Variants in LARGE1 observed in about 807,000 individuals in gnomAD.
LARGE1 encodes LARGE xylosyl- and glucuronyltransferase 1.
LARGE1 carries 43 observed loss-of-function variants against 87.6 expected under a neutral mutation model. That is an observed-to-expected ratio of 0.49 (90% confidence interval 0.38 to 0.63). The LOEUF (loss-of-function observed/expected upper bound fraction) is 0.63, where lower values mean the gene tolerates loss of function less well. Ranked by LOEUF, LARGE1 falls within the 30% of genes least tolerant of loss-of-function variation. LARGE1 has a pLI of 0.00. For missense variants in LARGE1, 802 were observed against 1,000.2 expected (o/e 0.80, Z 2.67); for synonymous variants, 434 against 394.6 (o/e 1.10, Z -1.18).
chr22:33,517,017 A>C lies in LARGE1; in HGVS notation c.787+47831T>G, dbSNP rs775328441. Among the ~76,000 whole-genome samples the C allele has an allele frequency of 2.6e-5, 4 of 151,952 alleles. No homozygotes were observed. In the East Asian group the frequency reaches 7.7e-4, roughly 29 times the overall value. Reference sequence around the variant, plus strand: ...AACACGCACTCTTATATTGCTACCAACTCTTTGTTATCTACATTAAAAAAG... The same window carrying C: ...AACACGCACTCTTATATTGCTACCACCTCTTTGTTATCTACATTAAAAAAG... On this transcript the variant is annotated intron_variant, in intron 6 of 14. Transcript: ENST00000397394.
chr22:33,192,798 C>T (rs74645647), intron 11 of LARGE1, among the ~76,000 whole-genome samples: 1,924 of 152,210 alleles, frequency 0.013, 37 homozygotes, highest in African/African-American at 0.044. Context: ...TTTACGGTTT[C>T]AGGTCTTACA....
At chr22:33,246,665 C>G (rs1386318352) in intron 11 of LARGE1, among the ~76,000 whole-genome samples, 1 of 152,098 alleles carries the variant, frequency 6.6e-6, no homozygotes, top group Non-Finnish European at 1.5e-5. Context: ...TAAATAACAA[C>G]TTTTAAAAAC....
intron 10 of LARGE1, among the ~76,000 whole-genome samples, chr22:33,323,615 C>G (rs1936955218): frequency 6.6e-6 from 1 of 151,932 alleles, no homozygotes; most frequent in Non-Finnish European, 1.5e-5. Context: ...GGTCCCAGTG[C>G]AGGAAAAAGA....
At chr22:33,759,991 A>G (rs1242907178) in intron 2 of LARGE1, among the ~76,000 whole-genome samples, 7 of 152,220 alleles carry the variant, frequency 4.6e-5, no homozygotes, top group Admixed American at 4.6e-4. Flanking sequence ...CCTCCCTGCT[A>G]GACAGGCACA....
intron 2 of LARGE1, among the ~76,000 whole-genome samples, chr22:33,674,342 C>T (rs950257665): frequency 6.6e-6 from 1 of 152,126 alleles, no homozygotes; most frequent in East Asian, 1.9e-4. Context: ...TAAATAGAAT[C>T]ATATAGTCTT....
chr22:33,102,176 C>CT, the LARGE1 span, among the ~76,000 whole-genome samples: 760 of 136,660 alleles, frequency 5.6e-3, 4 homozygotes, highest in African/African-American at 0.019. Flanking sequence ...TTTTTTTTTC[C>CT]TTTTTTTTTT....
intron 9 of LARGE1, among the ~76,000 whole-genome samples, chr22:33,360,678 T>C (rs767905714): frequency 1.3e-5 from 2 of 149,528 alleles, no homozygotes; most frequent in African/African-American, 4.9e-5. Context: ...ACATGAGATT[T>C]GGAGGGGGAC....
At chr22:33,643,979 A>C (rs189349397) in intron 3 of LARGE1, among the ~76,000 whole-genome samples, 1 of 152,352 alleles carries the variant, frequency 6.6e-6, no homozygotes, top group Admixed American at 6.5e-5. Flanking sequence ...ATCTTACCAG[A>C]GGTACAAAGA....
At chr22:33,238,880 T>C (rs983870643) in intron 11 of LARGE1, among the ~76,000 whole-genome samples, 4 of 151,826 alleles carry the variant, frequency 2.6e-5, no homozygotes, top group African/African-American at 7.3e-5. Flanking sequence ...TAAGGAACAC[T>C]GAAAATAATT....
chr22:33,507,829 C>T (rs1481214909), intron 6 of LARGE1, among the ~76,000 whole-genome samples: 1 of 152,188 alleles, frequency 6.6e-6, no homozygotes, highest in Non-Finnish European at 1.5e-5. Flanking sequence ...GCTTGCTCTA[C>T]ACTGGTGTGG....
chr22:33,759,038 G>A (rs1379886045), intron 2 of LARGE1, among the ~76,000 whole-genome samples: 2 of 152,156 alleles, frequency 1.3e-5, no homozygotes, highest in East Asian at 3.9e-4. Context: ...ACTGGGGTTG[G>A]TGAGGACAGG....
the LARGE1 span, among the ~76,000 whole-genome samples, chr22:33,073,776 C>T: frequency 6.6e-6 from 1 of 152,126 alleles, no homozygotes; most frequent in Non-Finnish European, 1.5e-5. Flanking sequence ...TGCGTTAATA[C>T]GAGTGAGGTA....
At chr22:33,762,213 C>CAAAAAAAAAAAAAAA (rs56832457) in intron 1 of LARGE1, among the ~76,000 whole-genome samples, 1 of 84,460 alleles carries the variant, frequency 1.2e-5, no homozygotes, top group African/African-American at 5.1e-5. Flanking sequence ...GATTCTATCT[C>CAAAAAAAAAAAAAAA]AAAAAAAAAA....
At chr22:33,710,138 A>G (rs1176982626) in intron 2 of LARGE1, among the ~76,000 whole-genome samples, 2 of 152,146 alleles carry the variant, frequency 1.3e-5, no homozygotes, top group Non-Finnish European at 2.9e-5. Flanking sequence ...TTTCCAAAGA[A>G]GCAGAAGACA....
chr22:33,656,495 C>A (rs1016909570), intron 2 of LARGE1, among the ~76,000 whole-genome samples: 2 of 152,178 alleles, frequency 1.3e-5, no homozygotes, highest in Non-Finnish European at 2.9e-5. Context: ...CACAGCCAAA[C>A]CGTATCAATA....
intron 2 of LARGE1, among the ~76,000 whole-genome samples, chr22:33,730,630 G>A (rs2083431969): frequency 6.6e-6 from 1 of 152,190 alleles, no homozygotes; most frequent in South Asian, 2.1e-4. Context: ...GAAAAATTAA[G>A]TAGGGATGAA....
At chr22:33,830,016 A>G (rs1291600748) in intron 1 of LARGE1, among the ~76,000 whole-genome samples, 2 of 152,162 alleles carry the variant, frequency 1.3e-5, no homozygotes, top group Non-Finnish European at 2.9e-5. Context: ...TTGGCAAGAT[A>G]ATGTCTGTGG....
At chr22:33,553,593 T>C (rs559223110) in intron 6 of LARGE1, among the ~76,000 whole-genome samples, 2 of 152,286 alleles carry the variant, frequency 1.3e-5, no homozygotes, top group Non-Finnish European at 2.9e-5. Flanking sequence ...GCTTACTGTG[T>C]CAGGTATAGC....
intron 12 of LARGE1, among the ~76,000 whole-genome samples, chr22:33,294,885 T>G (rs1233445524): frequency 2.0e-5 from 3 of 152,216 alleles, no homozygotes; most frequent in Non-Finnish European, 2.9e-5. Flanking sequence ...GAGGCCTCTT[T>G]GGAAATGACA....
Sources: allele counts gnomAD v4.1 joint callset (sites outside exome capture counted in the v4.1 genomes callset), GRCh38; gene constraint gnomAD v4.1.1; transcripts MANE v1.5; gene names NCBI Gene and HGNC (gene_info 2026-07-23, HGNC 2026-07-21).